The following NREP variants were observed in gnomAD, a reference collection of about 807,000 sequenced individuals.
NREP encodes the protein neuronal regeneration related protein.
In NREP, 5 loss-of-function variants were observed where a neutral mutation model predicts 8.6. The ratio of observed to expected loss-of-function variants is 0.58; its 90% CI spans 0.30 to 1.22. NREP has a LOEUF of 1.22. NREP is among the 50% of genes most tolerant of loss of function. The pLI, the probability that NREP is intolerant of heterozygous loss-of-function variation, is 0.07. For synonymous variants in NREP, 27 were observed against 28.0 expected (o/e 0.96, Z 0.11); for missense variants, 86 against 82.5 (o/e 1.04, Z -0.17).
chr5:111,774,878 G>A (rs1581107869), intron 2 of NREP, among the ~76,000 whole-genome samples: 2 of 152,110 alleles, frequency 1.3e-5, no homozygotes, highest in Admixed American at 1.3e-4. Context: ...ATAAAGTATG[G>A]GTGTTGTCTT....
At chr5:111,761,847 C>T (rs567239033), upstream of NREP, among the ~76,000 whole-genome samples, 19 of 152,092 alleles carry the variant, frequency 1.2e-4, no homozygotes, top group African/African-American at 3.4e-4. Context: ...CCAATCAGAC[C>T]GAAGGGAAAG....
At chr5:111,761,442 T>A (rs1280207722), upstream of NREP, among the ~76,000 whole-genome samples, 1 of 152,218 alleles carries the variant, frequency 6.6e-6, no homozygotes, top group African/African-American at 2.4e-5. Context: ...ACATTCAGTT[T>A]AGGCATCACC....
intron 2 of NREP, among the ~76,000 whole-genome samples, chr5:111,951,225 A>G (rs1009934682): frequency 6.6e-6 from 1 of 152,090 alleles, no homozygotes; most frequent in Non-Finnish European, 1.5e-5. Flanking sequence ...TTATTATGCT[A>G]TAGCACTGCA....
intron 2 of NREP, among the ~76,000 whole-genome samples, chr5:111,770,227 C>T (rs1187097810): frequency 6.6e-6 from 1 of 152,098 alleles, no homozygotes; most frequent in East Asian, 1.9e-4. Flanking sequence ...AGTATAAAAG[C>T]ATTCATGTTT....
At chr5:111,976,536 G>A (rs1756969119) in intron 1 of NREP, among the ~76,000 whole-genome samples, 1 of 152,158 alleles carries the variant, frequency 6.6e-6, no homozygotes, top group African/African-American at 2.4e-5. Flanking sequence ...TTGAATAAAT[G>A]AACGAATTAC....
At chr5:111,856,533 T>C (rs1753431812) in intron 2 of NREP, among the ~76,000 whole-genome samples, 1 of 152,144 alleles carries the variant, frequency 6.6e-6, no homozygotes, top group Non-Finnish European at 1.5e-5. Flanking sequence ...AGAGGAAAGG[T>C]TGAGAGTGTC....
chr5:111,943,192 A>G (rs1474530002), intron 2 of NREP, among the ~76,000 whole-genome samples: 1 of 152,016 alleles, frequency 6.6e-6, no homozygotes, highest in Non-Finnish European at 1.5e-5. Context: ...GCTGCCTGCT[A>G]TTAGTCATTT....
chr5:111,962,869 T>A (rs577923797), intron 2 of NREP, among the ~76,000 whole-genome samples: 25 of 152,252 alleles, frequency 1.6e-4, no homozygotes, highest in Non-Finnish European at 3.2e-4. Flanking sequence ...GCCTGTCTCA[T>A]CCCTTCTCTA....
chr5:111,940,044 G>A (rs1217253493), intron 2 of NREP: 1 of 152,038 alleles, frequency 6.6e-6, no homozygotes, highest in African/African-American at 2.4e-5. Context: ...CAGATTTACA[G>A]TGAAGAAGAA....
At chr5:111,789,840 A>G (rs915860130) in intron 2 of NREP, among the ~76,000 whole-genome samples, 11 of 152,182 alleles carry the variant, frequency 7.2e-5, no homozygotes, top group African/African-American at 2.7e-4. Flanking sequence ...GCAAATAACT[A>G]TAAGATCTTA....
chr5:111,852,917 T>G (rs1421026746), intron 2 of NREP, among the ~76,000 whole-genome samples: 1 of 151,988 alleles, frequency 6.6e-6, no homozygotes, highest in Non-Finnish European at 1.5e-5. Context: ...TTAAAGTAGA[T>G]AGAGTGAGAG....
chr5:111,825,580 G>A (rs1266483841), intron 2 of NREP, among the ~76,000 whole-genome samples: 11 of 152,144 alleles, frequency 7.2e-5, no homozygotes. Context: ...AGGATTTTTG[G>A]TAGCTCACAA....
At chr5:111,954,655 T>A (rs1049610266) in intron 2 of NREP, among the ~76,000 whole-genome samples, 4 of 151,972 alleles carry the variant, frequency 2.6e-5, no homozygotes, top group Non-Finnish European at 4.4e-5. Flanking sequence ...AATAAAGAGA[T>A]AAAGAAGGGT....
intron 2 of NREP, among the ~76,000 whole-genome samples, chr5:111,876,520 C>T (rs1433072295): frequency 2.6e-5 from 4 of 152,140 alleles, no homozygotes; most frequent in Non-Finnish European, 1.5e-5. Context: ...ACACAGTTCC[C>T]ACAGACAGTC....
intron 2 of NREP, among the ~76,000 whole-genome samples, chr5:111,821,073 T>A (rs1752503728): frequency 6.6e-6 from 1 of 152,184 alleles, no homozygotes; most frequent in Non-Finnish European, 1.5e-5. Context: ...AAGTGCATTC[T>A]GATATATAAT....
intron 2 of NREP, among the ~76,000 whole-genome samples, chr5:111,776,901 G>A (rs774417706): frequency 8.9e-4 from 136 of 152,020 alleles, no homozygotes; most frequent in Non-Finnish European, 1.6e-3. Flanking sequence ...GTTACCTTAT[G>A]ATATACTTAA....
chr5:111,760,064 AG>A (rs1750927183), upstream of NREP, among the ~76,000 whole-genome samples: 1 of 152,220 alleles, frequency 6.6e-6, no homozygotes, highest in African/African-American at 2.4e-5. Context: ...AGTCACGCAA[AG>A]ATTGACTTCA....
chr5:111,871,300 T>C (rs934796162), intron 2 of NREP, among the ~76,000 whole-genome samples: 53 of 152,092 alleles, frequency 3.5e-4, no homozygotes, highest in African/African-American at 1.2e-3. Flanking sequence ...CAATGATAAG[T>C]ATTTGTATGT....
In NREP at chr5:111,858,096, C is replaced by T. The variant is rs546296441; in HGVS notation, c.135+117178G>A. ...AATGGTTCTCTGAGTTTCCTACAAC[C>T]AGCATCATCAACGTTGCCGGGAACT... On this transcript the variant is annotated intron_variant, in intron 2 of 3. Coordinates refer to the NREP transcript ENST00000395634. 1.2e-4 allele frequency among the ~76,000 whole-genome samples: 19 copies of T among 152,224 alleles called. No individual in the cohort carries two copies. In the South Asian group the frequency reaches 3.7e-3, roughly 30 times the overall value.
Sources: gnomAD v4.1 joint callset for allele counts (sites outside exome capture counted in the v4.1 genomes callset) on GRCh38, gnomAD v4.1.1 for gene constraint, MANE v1.5 for transcripts, NCBI Gene and HGNC (gene_info 2026-07-23, HGNC 2026-07-21) for gene names.